The following BSPH1 variants were observed in gnomAD, a reference collection of about 807,000 sequenced individuals.
BSPH1 encodes binder of sperm 1.
Under a neutral mutation model 22.5 loss-of-function variants are expected in BSPH1, and 21 were observed. The ratio of observed to expected loss-of-function variants is 0.93; its 90% CI spans 0.66 to 1.35. The LOEUF (loss-of-function observed/expected upper bound fraction) is 1.35. BSPH1 is among the 40% of genes most tolerant of loss of function. BSPH1 has a pLI of 0.00. For missense variants in BSPH1, 141 were observed against 154.2 expected (o/e 0.91, Z 0.45); for synonymous variants, 42 against 53.6 (o/e 0.78, Z 0.95).
intron 5 of BSPH1, among the ~76,000 whole-genome samples, chr19:47,974,267 CTCT>C (rs1231297605): frequency 2.5e-4 from 16 of 63,438 alleles, no homozygotes; most frequent in African/African-American, 1.2e-3. Flanking sequence ...CTCTCTCTCT[CTCT>C]TTTTTTTTTT....
At chr19:47,987,303 C>T (rs1199045902) in intron 1 of BSPH1, among the ~76,000 whole-genome samples, 1 of 152,100 alleles carries the variant, frequency 6.6e-6, no homozygotes, top group East Asian at 1.9e-4. Context: ...CTGATTAACC[C>T]CGTCCTCGGA....
At chr19:47,981,474 T>C (rs1969419111) in intron 1 of BSPH1, among the ~76,000 whole-genome samples, 1 of 152,224 alleles carries the variant, frequency 6.6e-6, no homozygotes, top group Non-Finnish European at 1.5e-5. Context: ...ATTTAACTTA[T>C]CAGAACAATT....
At chr19:47,979,508 C>T in intron 3 of BSPH1, 62 bp downstream of exon 3, 2 of 804,312 alleles carry the variant, frequency 2.5e-6, no homozygotes, top group Non-Finnish European at 1.9e-6. Context: ...TACTGATTTC[C>T]TCACTTTTAC....
Position 47,990,566 on chromosome 19 carries a change from C to T in BSPH1, c.73+1443G>A, listed in dbSNP as rs192916425. ...GATAAGAAAGCAGTGGTCATAGTTA[C>T]ATTGGGAGTATATTTTCTTTTCTGT... is the stretch of plus-strand genomic sequence containing the variant. On this transcript the variant is annotated intron_variant, in intron 1 of 5. Coordinates refer to ENST00000344839, the MANE Select transcript of BSPH1 (RefSeq NM_001128326.2). 8.1e-4 allele frequency among the ~76,000 whole-genome samples: 122 copies of T among 151,362 alleles called. 1 individual carries two copies. Among genetic ancestry groups the T allele is most frequent in the Admixed American group, 3.0e-3 (46 of 15,180 alleles).
chr19:47,991,622 C>A, intron 1 of BSPH1, among the ~76,000 whole-genome samples: 1 of 81,916 alleles, frequency 1.2e-5, no homozygotes. Context: ...TCTTCCTCCT[C>A]TTCCCTCCTC....
In BSPH1 at chr19:47,990,496, C is replaced by G. The variant is rs559425223; in HGVS notation, c.73+1513G>C. Among the ~76,000 whole-genome samples, 19 of 151,852 alleles carry G rather than the reference C, an allele frequency of 1.3e-4. 1 individual carries two copies. In the South Asian group the frequency reaches 3.3e-3, roughly 27 times the overall value. ...TCTGATTTAAAAAAAAAACCTGTGG[C>G]CAAGTACAGTGTTATTTTTCAGTAA... On this transcript the variant is annotated intron_variant, in intron 1 of 5. Coordinates refer to ENST00000344839, the MANE Select transcript of BSPH1 (RefSeq NM_001128326.2).
At chr19:47,972,229 G>T (rs1250964805) in intron 5 of BSPH1, among the ~76,000 whole-genome samples, 1 of 151,352 alleles carries the variant, frequency 6.6e-6, no homozygotes, top group African/African-American at 2.4e-5. Context: ...CCTCATTGAG[G>T]TTGGCAGACT....
Position 47,992,008 on chromosome 19 carries a change from C to T in BSPH1, c.73+1G>A. ...AGGAAGAAATATAGAAAAAGAAATACTTAAAATAACAGGGAAGATGCAAGC... is the reference window on the plus strand; with the variant it reads ...AGGAAGAAATATAGAAAAAGAAATATTTAAAATAACAGGGAAGATGCAAGC... On this transcript the variant is annotated splice_donor_variant, in intron 1 of 5. Coordinates refer to ENST00000344839, the MANE Select transcript of BSPH1 (RefSeq NM_001128326.2). LOFTEE classifies it high-confidence loss of function. The T allele has an allele frequency of 1.9e-6, 3 of 1,541,802 alleles. No individual in the cohort carries two copies. Among genetic ancestry groups the T allele is most frequent in the Non-Finnish European group, 2.6e-6 (3 of 1,138,338 alleles).
chr19:47,973,041 C>A (rs1014751154), intron 5 of BSPH1, among the ~76,000 whole-genome samples: 2 of 151,610 alleles, frequency 1.3e-5, no homozygotes, highest in African/African-American at 4.8e-5. Flanking sequence ...CACGGTGAAA[C>A]CCCGTCTCTT....
intron 1 of BSPH1, 120 bp downstream of exon 1, chr19:47,991,889 T>A: frequency 4.0e-6 from 2 of 505,858 alleles, no homozygotes; most frequent in Non-Finnish European, 7.3e-6. Context: ...CCTTCCCCTC[T>A]TCCCCTTCCT....
At chr19:47,974,430 T>C (rs953230808) in intron 5 of BSPH1, among the ~76,000 whole-genome samples, 2 of 151,890 alleles carry the variant, frequency 1.3e-5, no homozygotes, top group Non-Finnish European at 2.9e-5. Flanking sequence ...CCACCACGCC[T>C]GGCTAACTGT....
intron 4 of BSPH1, 33 bp downstream of exon 4, chr19:47,977,340 C>T: frequency 6.6e-7 from 1 of 1,508,092 alleles, no homozygotes; most frequent in Non-Finnish European, 9.0e-7. Flanking sequence ...ACCAAGATTA[C>T]TGCTCTGAGG....
Position 47,977,465 on chromosome 19 carries a change from G to A in BSPH1, c.164C>T (p.Thr55Ile), listed in dbSNP as rs535097244. ...CTTGGACTTGATGCAGTCATAATAT[G>A]TTCCATTTTTATAGTGGAATGGAAA... is the stretch of plus-strand genomic sequence containing the variant. The part of the protein sequence containing the change: ...CVFPFHYKNG[T>I]YYDCIKSKAR... Residue 55 changes from threonine (T) to isoleucine (I), a missense_variant, in exon 4 of 6, where the codon ACA becomes ATA. Coordinates refer to ENST00000344839, the MANE Select transcript of BSPH1 (RefSeq NM_001128326.2). The A allele has an allele frequency of 1.6e-5, 25 of 1,551,556 alleles. No homozygotes were observed. The African/African-American group carries it at 2.3e-4, about 14-fold the overall frequency.
At chr19:47,974,421 C>A (rs1028477248) in intron 5 of BSPH1, among the ~76,000 whole-genome samples, 1 of 151,934 alleles carries the variant, frequency 6.6e-6, no homozygotes, top group Non-Finnish European at 1.5e-5. Flanking sequence ...AGGTGCCGGC[C>A]ACCACGCCTG....
intron 2 of BSPH1, among the ~76,000 whole-genome samples, 200 bp downstream of exon 2, chr19:47,980,721 C>T (rs985287894): frequency 3.9e-5 from 6 of 151,920 alleles, no homozygotes; most frequent in African/African-American, 7.2e-5. Flanking sequence ...CCCCCTGCCT[C>T]GGCCTCCCAA....
chr19:47,981,122 T>C (rs1321347926), intron 1 of BSPH1, among the ~76,000 whole-genome samples, 181 bp from the exon 2 acceptor site: 1 of 152,218 alleles, frequency 6.6e-6, no homozygotes, highest in Non-Finnish European at 1.5e-5. Flanking sequence ...TTTGCTTTAA[T>C]TGTATTTTTC....
intron 5 of BSPH1, among the ~76,000 whole-genome samples, chr19:47,976,152 C>G (rs1969360634): frequency 6.6e-6 from 1 of 150,698 alleles, no homozygotes; most frequent in South Asian, 2.1e-4. Flanking sequence ...GCTTATTTTA[C>G]TTCATTTATT....
At chr19:47,976,372 T>C (rs1343723804) in intron 5 of BSPH1, among the ~76,000 whole-genome samples, 1 of 151,994 alleles carries the variant, frequency 6.6e-6, no homozygotes, top group Admixed American at 6.6e-5. Flanking sequence ...CCTCAAGCAG[T>C]CCTTCCTTTT....
chr19:47,982,750 A>G (rs1245331045), intron 1 of BSPH1, among the ~76,000 whole-genome samples: 3 of 152,248 alleles, frequency 2.0e-5, no homozygotes, highest in Non-Finnish European at 4.4e-5. Context: ...TGGTAGACAC[A>G]TACAATGGAG....
Sources: gnomAD v4.1 joint callset for allele counts (sites outside exome capture counted in the v4.1 genomes callset) on GRCh38, gnomAD v4.1.1 for gene constraint, MANE v1.5 for transcripts, NCBI Gene and HGNC (gene_info 2026-07-23, HGNC 2026-07-21) for gene names.